The following PFKFB4 variants were observed in gnomAD, a reference collection of about 807,000 sequenced individuals.
PFKFB4 encodes the protein 6-phosphofructo-2-kinase/fructose-2,6-bisphosphatase 4.
PFKFB4 carries 42 observed loss-of-function variants against 62.8 expected under a neutral mutation model. That is an observed-to-expected ratio of 0.67 (90% CI 0.52 to 0.86). PFKFB4 has a LOEUF of 0.86. Ranked by LOEUF, PFKFB4 falls within the 40% of genes least tolerant of loss-of-function variation. The pLI, the probability that PFKFB4 is intolerant of heterozygous loss-of-function variation, is 0.00. For missense variants in PFKFB4, 475 were observed against 627.2 expected (o/e 0.76, Z 2.59); for synonymous variants, 204 against 240.7 (o/e 0.85, Z 1.41).
At chr3:48,538,377 G>A in intron 7 of PFKFB4, 121 bp downstream of exon 7, 1 of 1,260,816 alleles carries the variant, frequency 7.9e-7, no homozygotes, top group Non-Finnish European at 1.1e-6. Context: ...AACAAGAAAG[G>A]TCAGACCATC....
chr3:48,525,581 C>T lies in PFKFB4; in HGVS notation c.1076G>A (p.Arg359Gln), dbSNP rs781144602. ...CCCACCTACCTCCCCTTTAGGGTAC[C>T]GGTACCGGTACTTGTCCTGGTCCCG... ...ALRDQDKYRY[R>Q]YPKGESYEDL... Residue 359 changes from arginine (R) to glutamine (Q), a missense_variant, in exon 10 of 14, where the codon CGG becomes CAG. Transcript: ENST00000232375. The T allele has an allele frequency of 8.2e-6, 13 of 1,589,066 alleles. No individual in the cohort carries two copies. Among genetic ancestry groups the T allele is most frequent in the East Asian group, 2.3e-5 (1 of 43,408 alleles).
At chr3:48,560,403 G>A (rs2043414146), upstream of PFKFB4, among the ~76,000 whole-genome samples, 1 of 152,118 alleles carries the variant, frequency 6.6e-6, no homozygotes, top group Admixed American at 6.5e-5. Context: ...TGTCTCCCTG[G>A]GCCCAGGGCT....
intron 3 of PFKFB4, among the ~76,000 whole-genome samples, chr3:48,547,342 G>A (rs577706357): frequency 2.0e-5 from 3 of 152,222 alleles, no homozygotes; most frequent in South Asian, 2.1e-4. Flanking sequence ...ACGCATGTCC[G>A]GATGTGTGCC....
rs1011665162 is a variant in PFKFB4, at chr3:48,518,004, C to T, written c.*1743G>A. On this transcript the variant is annotated 3_prime_UTR_variant, in exon 14 of 14. Coordinates refer to ENST00000232375, the MANE Select transcript of PFKFB4 (RefSeq NM_004567.4). ...CAGAGAGAAAAGGCCTCGGTGGTCT[C>T]ACCTCAGATGACATCCAGAGGTACA... 8 of 152,318 alleles carry T rather than the reference C, an allele frequency of 5.3e-5. No homozygotes were observed. The highest frequency in any genetic ancestry group is 1.9e-4 in the African/African-American group (8 of 41,482). 9.4% of individuals were successfully genotyped at this position (152,318 alleles called of 1,614,324 possible).
chr3:48,536,206 C>G (rs1318023143), intron 8 of PFKFB4, 50 bp downstream of exon 8: 1 of 1,541,968 alleles, frequency 6.5e-7, no homozygotes, highest in Admixed American at 1.7e-5. Context: ...CCCAGCCACG[C>G]AGGGTACAAA....
chr3:48,533,897 T>C (rs1333755174), intron 9 of PFKFB4, among the ~76,000 whole-genome samples: 2 of 152,152 alleles, frequency 1.3e-5, no homozygotes, highest in African/African-American at 4.8e-5. Context: ...CAACTGTTTT[T>C]AGACACGAGA....
chr3:48,546,604 G>T (rs147705363), intron 3 of PFKFB4, among the ~76,000 whole-genome samples: 1 of 152,228 alleles, frequency 6.6e-6, no homozygotes, highest in Non-Finnish European at 1.5e-5. Flanking sequence ...GGTCCCCTTC[G>T]AAAGGCCTGC....
At chr3:48,537,396 G>A (rs28563843) in intron 7 of PFKFB4, among the ~76,000 whole-genome samples, 17,247 of 152,054 alleles carry the variant, frequency 0.11, 1,935 homozygotes, top group African/African-American at 0.29. Flanking sequence ...CAGGTGGCAG[G>A]TGCCATTCAG....
intron 10 of PFKFB4, among the ~76,000 whole-genome samples, chr3:48,524,897 G>C (rs1294049741): frequency 5.3e-5 from 8 of 152,086 alleles, no homozygotes; most frequent in Non-Finnish European, 8.8e-5. Flanking sequence ...GCTGAACTGT[G>C]TCAGAGAAGG....
rs1371030299 is a variant in PFKFB4, at chr3:48,522,033, T to C, written c.1303A>G (p.Ile435Val). The C allele has an allele frequency of 2.5e-6, 4 of 1,614,160 alleles. No individual in the cohort carries two copies. In the Admixed American group the frequency reaches 5.0e-5, roughly 20 times the overall value. Residue 435 changes from isoleucine (I) to valine (V), a missense_variant, in exon 13 of 14, where the codon ATA (isoleucine) becomes GTA (valine). Ile to Val is a conservative substitution (Grantham distance 29). Transcript: ENST00000232375. ...PVAYGCKVESIFLNVAAVNTH... is the reference protein window; with the variant it reads ...PVAYGCKVESVFLNVAAVNTH... Reference sequence around the variant, plus strand: ...TTCACAGCAGCCACGTTCAGGAATATGGACTCCACTTTACAACCTGCCAAA... The same window carrying C: ...TTCACAGCAGCCACGTTCAGGAATACGGACTCCACTTTACAACCTGCCAAA...
intron 6 of PFKFB4, among the ~76,000 whole-genome samples, chr3:48,538,945 GAAGGA>G (rs2042716010): frequency 1.3e-5 from 2 of 152,174 alleles, no homozygotes; most frequent in South Asian, 4.1e-4. Flanking sequence ...TGGGGGAGGG[GAAGGA>G]AAGAATGAGT....
At position 48,530,432 on chromosome 3, in the gene PFKFB4, C is replaced by T. The variant is rs576264692; in HGVS notation, c.988-4763G>A. 3.3e-5 allele frequency among the ~76,000 whole-genome samples: 5 copies of T among 152,122 alleles called. 1 individual carries two copies. The highest frequency in any genetic ancestry group is 1.2e-4 in the African/African-American group (5 of 41,488). ...AGTATGAGCTTTGTTAAGTATATTT[C>T]AATTATGTGCATCCAGCCTGAGAAT... On this transcript the variant is annotated intron_variant, in intron 9 of 13. Transcript: ENST00000232375.
rs1247978980 is a variant in PFKFB4 at position 48,556,171 on chromosome 3, C to G, written c.97+510G>C. On this transcript the variant is annotated intron_variant, in intron 1 of 13. Coordinates refer to ENST00000232375, the MANE Select transcript of PFKFB4 (RefSeq NM_004567.4). This position sits in a 1 kb window ranked among gnomAD's most constrained non-coding sequence, Gnocchi z 5.7. ...ATCTCTGCTGAAGTTCCTGCCCAAGCTCAGCTTTAAGGCCAAGAGGCACCC... is the reference window on the plus strand; with the variant it reads ...ATCTCTGCTGAAGTTCCTGCCCAAGGTCAGCTTTAAGGCCAAGAGGCACCC... 2.2e-5 allele frequency: 10 copies of G among 457,692 alleles called. No homozygotes were observed. Among genetic ancestry groups the G allele is most frequent in the Non-Finnish European group, 4.0e-5 (9 of 227,738 alleles). 28.4% of individuals were successfully genotyped at this position (457,692 alleles called of 1,614,324 possible).
At chr3:48,526,741 C>T (rs933588713) in intron 9 of PFKFB4, among the ~76,000 whole-genome samples, 3 of 150,994 alleles carry the variant, frequency 2.0e-5, no homozygotes, top group African/African-American at 4.9e-5. Flanking sequence ...GAGTTTGAGA[C>T]CAGCCTGGCC....
chr3:48,556,723 A>G lies in PFKFB4; in HGVS notation c.55T>C (p.Tyr19His). 6.2e-7 allele frequency: 1 copy of G among 1,608,686 alleles called. No homozygotes were observed. The highest frequency in any genetic ancestry group is 8.5e-7 in the Non-Finnish European group (1 of 1,177,696). ...QNPLKKIWMP[Y>H]SNGRPALHAC... ...TGCAGAGCGGGCCGCCCATTGCTGTATGGCATCCAGATCTTCTTCAGGGGG... is the reference window on the plus strand; with the variant it reads ...TGCAGAGCGGGCCGCCCATTGCTGTGTGGCATCCAGATCTTCTTCAGGGGG... Residue 19 changes from tyrosine (Y) to histidine (H), a missense_variant, in exon 1 of 14, where the codon TAC becomes CAC. Transcript: ENST00000232375. This position sits in a 1 kb window ranked among gnomAD's most constrained non-coding sequence, Gnocchi z 5.7.
chr3:48,538,542 C>G lies in PFKFB4; in HGVS notation c.588G>C (p.Glu196Asp). 6 of 1,614,178 alleles carry G rather than the reference C, an allele frequency of 3.7e-6. No homozygotes were observed. In the South Asian group the frequency reaches 5.5e-5, roughly 15 times the overall value. The change falls in exon 7 of 14, where the codon GAG becomes GAC. Residue 196 changes from glutamate (E) to aspartate (D), a missense_variant. Glu to Asp is a conservative substitution (Grantham distance 45, BLOSUM62 2). Transcript: ENST00000232375. ...EATEDFMRRI[E>D]CYENSYESLD... ...GCGACTCGTAGGAGTTCTCATAGCA[C>G]TCAATGCGCCTCATGAAGTCCTCCG...
intron 4 of PFKFB4, among the ~76,000 whole-genome samples, chr3:48,542,954 G>A (rs1252780015): frequency 6.6e-6 from 1 of 152,202 alleles, no homozygotes; most frequent in Non-Finnish European, 1.5e-5. Context: ...GATGATGTGG[G>A]ATCCACAGGC....
chr3:48,529,163 G>A (rs535493876), intron 9 of PFKFB4, among the ~76,000 whole-genome samples: 9 of 152,040 alleles, frequency 5.9e-5, no homozygotes, highest in Non-Finnish European at 8.8e-5. Context: ...TCAGCCCCCC[G>A]AGTAGCTGGG....
chr3:48,558,273 T>C (rs2043378990), upstream of PFKFB4, among the ~76,000 whole-genome samples: 1 of 151,748 alleles, frequency 6.6e-6, no homozygotes, highest in Non-Finnish European at 1.5e-5. Context: ...GCCCCGCCTC[T>C]CCAAGCTTTG....
Sources: allele counts gnomAD v4.1 joint callset (sites outside exome capture counted in the v4.1 genomes callset), GRCh38; gene constraint gnomAD v4.1.1; non-coding constraint Gnocchi (gnomAD v3.1); transcripts MANE v1.5; gene names NCBI Gene and HGNC (gene_info 2026-07-23, HGNC 2026-07-21).